The following PTPRK variants were observed in gnomAD, a reference collection of about 807,000 sequenced individuals.
PTPRK encodes protein tyrosine phosphatase receptor type K.
A neutral mutation model predicts 178.0 loss-of-function variants in PTPRK; 75 were observed. That is an observed-to-expected ratio of 0.42 (90% CI 0.35 to 0.51). PTPRK has a LOEUF of 0.51. Among genes scored for constraint, PTPRK ranks in the 20% least tolerant of loss-of-function variants. PTPRK has a pLI of 0.02. For missense variants in PTPRK, 1,441 were observed against 1,797.8 expected (o/e 0.80, Z 3.59); for synonymous variants, 637 against 620.6 (o/e 1.03, Z -0.39).
intron 3 of PTPRK, among the ~76,000 whole-genome samples, chr6:128,303,304 T>C (rs191583758): frequency 2.0e-5 from 3 of 152,294 alleles, no homozygotes; most frequent in Admixed American, 1.3e-4. Context: ...TTTGTTCCAC[T>C]AAACTCTACC....
chr6:128,145,023 T>TA lies in PTPRK; in HGVS notation c.1162+39408dup, dbSNP rs546212541. On this transcript the variant is annotated intron_variant, in intron 7 of 29. Transcript: ENST00000368226. ...AATTTTAACTGTCAGATGTGGTGTTTAAAACAAAGTTGACTTTCCAACAGC... is the reference window on the plus strand; with the variant it reads ...AATTTTAACTGTCAGATGTGGTGTTTAAAAACAAAGTTGACTTTCCAACAGC... Among the ~76,000 whole-genome samples the TA allele has an allele frequency of 3.8e-3, 573 of 152,248 alleles. 4 individuals are homozygous for TA. The highest frequency in any genetic ancestry group is 0.013 in the African/African-American group (545 of 41,560).
chr6:128,341,618 A>ATTTTC (rs977955148), intron 2 of PTPRK, among the ~76,000 whole-genome samples: 3 of 152,174 alleles, frequency 2.0e-5, no homozygotes, highest in African/African-American at 7.2e-5. Context: ...CCATCACTTT[A>ATTTTC]TTTTCTATGC....
chr6:128,126,180 A>G (rs1038403104), intron 7 of PTPRK, among the ~76,000 whole-genome samples: 43 of 152,002 alleles, frequency 2.8e-4, no homozygotes, highest in African/African-American at 1.0e-3. Context: ...TAAGCCCCGC[A>G]TGCATTAGGT....
At chr6:128,133,473 TG>T (rs1180308195) in intron 7 of PTPRK, among the ~76,000 whole-genome samples, 3 of 152,202 alleles carry the variant, frequency 2.0e-5, no homozygotes, top group Admixed American at 6.5e-5. Flanking sequence ...AATATCCATA[TG>T]AAGTGGTTAC....
intron 3 of PTPRK, among the ~76,000 whole-genome samples, chr6:128,277,455 T>C (rs1390907448): frequency 2.0e-5 from 3 of 152,124 alleles, no homozygotes; most frequent in African/African-American, 7.2e-5. Context: ...ACACTGAGAA[T>C]TAAGTTAAAG....
At chr6:128,408,461 G>C (rs1048099369) in intron 1 of PTPRK, among the ~76,000 whole-genome samples, 1 of 152,042 alleles carries the variant, frequency 6.6e-6, no homozygotes, top group Non-Finnish European at 1.5e-5. Context: ...TTCACTATTC[G>C]AGTAAGGGCA....
intron 13 of PTPRK, among the ~76,000 whole-genome samples, chr6:128,059,390 G>A (rs758730070): frequency 6.6e-6 from 1 of 152,048 alleles, no homozygotes; most frequent in African/African-American, 2.4e-5. Context: ...AATTTTTAGA[G>A]ATACATTATA....
At chr6:128,157,724 T>C (rs1798133102) in intron 7 of PTPRK, among the ~76,000 whole-genome samples, 1 of 152,104 alleles carries the variant, frequency 6.6e-6, no homozygotes, top group African/African-American at 2.4e-5. Flanking sequence ...GTCTACTGGC[T>C]GCATAAATGT....
intron 7 of PTPRK, among the ~76,000 whole-genome samples, chr6:128,148,049 A>G (rs948957376): frequency 1.3e-5 from 2 of 152,216 alleles, no homozygotes; most frequent in Admixed American, 1.3e-4. Context: ...AAGGCTGCCA[A>G]GAATATAATC....
chr6:128,304,895 T>C (rs1826149372), intron 3 of PTPRK, among the ~76,000 whole-genome samples: 1 of 152,172 alleles, frequency 6.6e-6, no homozygotes, highest in South Asian at 2.1e-4. Context: ...AACAAGGCAC[T>C]CTAACTCACC....
At position 128,208,169 on chromosome 6, in the gene PTPRK, T is replaced by C. The variant is rs538245075; in HGVS notation, c.868+10753A>G. Among the ~76,000 whole-genome samples, 18 of 152,102 alleles carry C rather than the reference T, an allele frequency of 1.2e-4. No homozygotes were observed. In the South Asian group the frequency reaches 3.7e-3, roughly 32 times the overall value. On this transcript the variant is annotated intron_variant, in intron 6 of 29. Transcript: ENST00000368226. ...GAAATGCCAAATTGAGTGGGGATTT[T>C]AACACAGGAAGATTATGTCAGGTGG...
intron 1 of PTPRK, among the ~76,000 whole-genome samples, chr6:128,429,378 T>G (rs2128392666): frequency 6.6e-6 from 1 of 152,322 alleles, no homozygotes; most frequent in Middle Eastern, 3.4e-3. Flanking sequence ...CAGAAAGGAC[T>G]AAAGCTATCA....
At chr6:128,201,424 G>A (rs1027475396) in intron 6 of PTPRK, among the ~76,000 whole-genome samples, 3 of 152,218 alleles carry the variant, frequency 2.0e-5, no homozygotes, top group African/African-American at 4.8e-5. Flanking sequence ...GTGTGCATGA[G>A]TGTGTGCGTA....
chr6:128,174,174 A>C (rs111866719), intron 7 of PTPRK, among the ~76,000 whole-genome samples: 2,585 of 152,092 alleles, frequency 0.017, 64 homozygotes, highest in African/African-American at 0.058. Flanking sequence ...TTAATGTAGC[A>C]ATGGCTAATA....
intron 3 of PTPRK, among the ~76,000 whole-genome samples, chr6:128,243,483 G>A (rs1814846330): frequency 9.3e-6 from 1 of 107,804 alleles, no homozygotes; most frequent in Admixed American, 1.1e-4. Flanking sequence ...GTGAGAGCCT[G>A]TCGCTAAAAA....
chr6:128,343,625 T>TA lies in PTPRK; in HGVS notation c.224-21316dup, dbSNP rs562161116. Among the ~76,000 whole-genome samples, 597 of 151,962 alleles carry TA rather than the reference T, an allele frequency of 3.9e-3. 4 individuals carry two copies. The highest frequency in any genetic ancestry group is 0.013 in the African/African-American group (555 of 41,468). ...GAACTAGAATATGAATGCATTTAAA[T>TA]AAAAAAAATTCTTAAAGGTTAACTC... is the stretch of plus-strand genomic sequence containing the variant. On this transcript the variant is annotated intron_variant, in intron 2 of 29. Transcript: ENST00000368226.
intron 1 of PTPRK, among the ~76,000 whole-genome samples, chr6:128,415,156 C>T (rs796555841): frequency 5.3e-5 from 8 of 152,258 alleles, no homozygotes; most frequent in African/African-American, 1.9e-4. Flanking sequence ...CAAAATCACA[C>T]ACAACCTGGC....
At chr6:127,995,159 A>C in intron 18 of PTPRK, 1 of 1,274,334 alleles carries the variant, frequency 7.8e-7, no homozygotes, top group South Asian at 1.3e-5. Context: ...TGCAGAAATA[A>C]CTAGTAGTAA....
intron 3 of PTPRK, among the ~76,000 whole-genome samples, chr6:128,276,498 C>T (rs972983216): frequency 3.3e-5 from 5 of 152,030 alleles, no homozygotes; most frequent in African/African-American, 1.2e-4. Context: ...ATAAAGCCAT[C>T]AATTAGAGCC....
Sources: gnomAD v4.1 joint callset for allele counts (sites outside exome capture counted in the v4.1 genomes callset) on GRCh38, gnomAD v4.1.1 for gene constraint, MANE v1.5 for transcripts, NCBI Gene and HGNC (gene_info 2026-07-23, HGNC 2026-07-21) for gene names.